The following FARS2 variants were observed in gnomAD, a reference collection of about 807,000 sequenced individuals.
FARS2 encodes phenylalanyl-tRNA synthetase 2, mitochondrial, also known as phenylalanine--tRNA ligase, mitochondrial.
FARS2 carries 40 observed loss-of-function variants against 46.4 expected under a neutral mutation model. The observed-to-expected ratio is 0.86, with a 90% CI of 0.67 to 1.12. The LOEUF (loss-of-function observed/expected upper bound fraction) is 1.12. Among genes scored for constraint, FARS2 ranks in the 50% most tolerant of loss-of-function variants. FARS2 has a pLI of 0.00. For synonymous variants in FARS2, 234 were observed against 214.9 expected, an observed-to-expected ratio of 1.09 and a Z score of -0.78; for missense variants, 513 against 567.9, an observed-to-expected ratio of 0.90 and a Z score of 0.98.
At chr6:5,646,317 A>G (rs746461137) in intron 6 of FARS2, among the ~76,000 whole-genome samples, 1 of 152,206 alleles carries the variant, frequency 6.6e-6, no homozygotes, top group Non-Finnish European at 1.5e-5. Flanking sequence ...AGAGAAGATT[A>G]TATGCAGGCT....
chr6:5,362,995 C>A (rs1004333370), intron 1 of FARS2, among the ~76,000 whole-genome samples: 1 of 145,614 alleles, frequency 6.9e-6, no homozygotes, highest in Non-Finnish European at 1.5e-5. Context: ...GGCGCGATCT[C>A]GGCCCACTGC....
At chr6:5,344,559 C>G (rs763515169) in intron 1 of FARS2, among the ~76,000 whole-genome samples, 21 of 152,128 alleles carry the variant, frequency 1.4e-4, no homozygotes, top group Non-Finnish European at 2.2e-4. Flanking sequence ...CTCCTTGAAG[C>G]CTTTGTGTGT....
chr6:5,302,427 GA>G (rs1768383996), intron 1 of FARS2, among the ~76,000 whole-genome samples: 1 of 152,140 alleles, frequency 6.6e-6, no homozygotes. Flanking sequence ...GTTATCGGAT[GA>G]CATGGGATGA....
chr6:5,756,064 C>G (rs1024219050), intron 6 of FARS2, among the ~76,000 whole-genome samples: 5 of 152,188 alleles, frequency 3.3e-5, no homozygotes, highest in Non-Finnish European at 7.3e-5. Context: ...CTTTAGAATA[C>G]CCACACCGGG....
chr6:5,531,157 G>A (rs1239589972), intron 4 of FARS2, among the ~76,000 whole-genome samples: 6 of 151,990 alleles, frequency 3.9e-5, no homozygotes, highest in South Asian at 2.1e-4. Flanking sequence ...AGATTTTCAC[G>A]TATATCTTAT....
chr6:5,392,719 C>T (rs1760600100), intron 2 of FARS2, among the ~76,000 whole-genome samples: 1 of 143,794 alleles, frequency 7.0e-6, no homozygotes. Context: ...AACACTTGCT[C>T]TAAAATATAT....
intron 6 of FARS2, among the ~76,000 whole-genome samples, chr6:5,674,577 T>C (rs1030511486): frequency 5.3e-5 from 8 of 152,238 alleles, no homozygotes; most frequent in Admixed American, 3.9e-4. Flanking sequence ...TTTTATATCG[T>C]ATTACATTTG....
rs781584694 is a variant in FARS2 at position 5,534,830 on chromosome 6, C to T, written c.905-10350C>T. Among the ~76,000 whole-genome samples the T allele has an allele frequency of 1.4e-4, 18 of 131,982 alleles. No individual in the cohort carries two copies. In the East Asian group the frequency reaches 2.2e-3, roughly 16 times the overall value. The allele number at this position is 131,982 out of a possible 152,430, so 86.6% of individuals were successfully genotyped here. The stretch of plus-strand genomic sequence containing the variant: ...ATATGTATACACACACATGCACGCA[C>T]ACACACGCACGCATACACACTTGCA... On this transcript the variant is annotated intron_variant, in intron 4 of 6. Transcript: ENST00000274680.
At chr6:5,304,693 T>G (rs757680369) in intron 1 of FARS2, among the ~76,000 whole-genome samples, 37 of 152,242 alleles carry the variant, frequency 2.4e-4, no homozygotes, top group Non-Finnish European at 4.6e-4. Context: ...TGTATTGATT[T>G]AAGCCCAGGG....
intron 5 of FARS2, among the ~76,000 whole-genome samples, chr6:5,604,142 A>G (rs760042871): frequency 3.9e-5 from 6 of 152,186 alleles, no homozygotes; most frequent in Non-Finnish European, 7.4e-5. Flanking sequence ...TTCAAGACAC[A>G]GATGAGCTGC....
chr6:5,640,895 G>T (rs922744526), intron 6 of FARS2, among the ~76,000 whole-genome samples: 1 of 152,130 alleles, frequency 6.6e-6, no homozygotes, highest in African/African-American at 2.4e-5. Context: ...CATATCCAAG[G>T]TTACTTGTGT....
chr6:5,543,877 T>C (rs2150496666), intron 4 of FARS2, among the ~76,000 whole-genome samples: 1 of 137,558 alleles, frequency 7.3e-6, no homozygotes, highest in Non-Finnish European at 1.6e-5. Flanking sequence ...GTTATGTTTG[T>C]TTGTTTGCTT....
chr6:5,424,130 C>T lies in FARS2; in HGVS notation c.773-6911C>T, dbSNP rs548389954. Among the ~76,000 whole-genome samples, 131 of 152,210 alleles carry T rather than the reference C, an allele frequency of 8.6e-4. 1 individual carries two copies. The highest frequency in any genetic ancestry group is 3.4e-3 in the Middle Eastern group (1 of 294). ...CTAAGTGGGAGCTGCGTAAGAGGGT[C>T]GAGCTGGTGTTCTTTTATCAGCAAA... On this transcript the variant is annotated intron_variant, in intron 3 of 6. Transcript: ENST00000274680.
chr6:5,402,821 C>T (rs764644817), intron 2 of FARS2, among the ~76,000 whole-genome samples: 5 of 152,200 alleles, frequency 3.3e-5, no homozygotes, highest in African/African-American at 7.2e-5. Context: ...GGTCCCTGCT[C>T]AGGCCTACTA....
intron 4 of FARS2, among the ~76,000 whole-genome samples, chr6:5,524,908 C>T (rs1769366251): frequency 6.6e-6 from 1 of 152,176 alleles, no homozygotes; most frequent in African/African-American, 2.4e-5. Flanking sequence ...CCCAGTTTTC[C>T]TCTGAGAAGG....
At chr6:5,672,772 T>G (rs910104273) in intron 6 of FARS2, among the ~76,000 whole-genome samples, 1 of 152,186 alleles carries the variant, frequency 6.6e-6, no homozygotes, top group East Asian at 1.9e-4. Context: ...CCACAGTGAT[T>G]CATGATGAAG....
chr6:5,647,431 A>G (rs748811490), intron 6 of FARS2, among the ~76,000 whole-genome samples: 1 of 152,244 alleles, frequency 6.6e-6, no homozygotes, highest in Non-Finnish European at 1.5e-5. Flanking sequence ...AATAAAATGG[A>G]AACTAACACG....
intron 3 of FARS2, among the ~76,000 whole-genome samples, chr6:5,419,874 C>T (rs1166199689): frequency 6.6e-6 from 1 of 152,186 alleles, no homozygotes; most frequent in Admixed American, 6.5e-5. Context: ...TTGTGGACCC[C>T]AAGCCCAGCA....
chr6:5,313,608 G>A (rs1769245119), intron 1 of FARS2, among the ~76,000 whole-genome samples: 1 of 152,158 alleles, frequency 6.6e-6, no homozygotes, highest in Admixed American at 6.5e-5. Flanking sequence ...GCTATTTTGG[G>A]AAGGAGATTT....
Sources: allele counts gnomAD v4.1 joint callset (sites outside exome capture counted in the v4.1 genomes callset), GRCh38; gene constraint gnomAD v4.1.1; transcripts MANE v1.5; gene names NCBI Gene and HGNC (gene_info 2026-07-23, HGNC 2026-07-21).